MAP7: variants seen among roughly 807,000 people sequenced by gnomAD.
MAP7 encodes ensconsin.
In MAP7, 52 loss-of-function variants were observed where a neutral mutation model predicts 94.8. The ratio of observed to expected loss-of-function variants is 0.55; its 90% confidence interval spans 0.44 to 0.69. The LOEUF (loss-of-function observed/expected upper bound fraction) is 0.69. Among genes scored for constraint, MAP7 ranks in the 30% least tolerant of loss-of-function variants. The pLI is 0.00. For synonymous variants in MAP7, 350 were observed against 357.0 expected (o/e 0.98, Z 0.22); for missense variants, 940 against 964.6 (o/e 0.97, Z 0.34).
intron 1 of MAP7, chr6:136,525,721 A>C: frequency 8.3e-7 from 1 of 1,203,378 alleles, no homozygotes; most frequent in Non-Finnish European, 1.1e-6. Flanking sequence ...AGGAGGTCAC[A>C]AGCACTCCCT....
intron 1 of MAP7, among the ~76,000 whole-genome samples, chr6:136,542,577 C>T (rs939906143): frequency 6.6e-6 from 1 of 152,060 alleles, no homozygotes; most frequent in African/African-American, 2.4e-5. Flanking sequence ...GAACAGAGAC[C>T]ATTAAGGAGG....
chr6:136,473,611 C>T (rs1388906452), intron 1 of MAP7, among the ~76,000 whole-genome samples: 1 of 152,142 alleles, frequency 6.6e-6, no homozygotes, highest in Non-Finnish European at 1.5e-5. Flanking sequence ...TAGGGAAGCA[C>T]TAACTTATGT....
intron 1 of MAP7, among the ~76,000 whole-genome samples, chr6:136,547,645 C>T (rs1040130498): frequency 6.6e-6 from 1 of 152,008 alleles, no homozygotes; most frequent in African/African-American, 2.4e-5. Context: ...ACTTTTCATC[C>T]TCAAGAAAAA....
intron 2 of MAP7, among the ~76,000 whole-genome samples, chr6:136,412,579 T>C (rs1176128574): frequency 6.6e-6 from 1 of 152,158 alleles, no homozygotes; most frequent in Non-Finnish European, 1.5e-5. Flanking sequence ...TGATGTTCCA[T>C]AGAAAGTAAG....
In MAP7 at chr6:136,483,377, G is replaced by A. The variant is rs555296891; in HGVS notation, c.68-61578C>T. Reference sequence around the variant, plus strand: ...CTTCTTGAGGGTGAAGGGCGGGAGGGGGGTGAGGACTAAAATACTACCTAT... The same window carrying A: ...CTTCTTGAGGGTGAAGGGCGGGAGGAGGGTGAGGACTAAAATACTACCTAT... On this transcript the variant is annotated intron_variant, in intron 1 of 17. Transcript: ENST00000354570. 4.0e-5 allele frequency among the ~76,000 whole-genome samples: 6 copies of A among 151,842 alleles called. No homozygotes were observed. The South Asian group carries it at 1.3e-3, about 32-fold the overall frequency.
At chr6:136,450,117 G>C (rs1177452096) in intron 1 of MAP7, among the ~76,000 whole-genome samples, 1 of 152,200 alleles carries the variant, frequency 6.6e-6, no homozygotes, top group Non-Finnish European at 1.5e-5. Flanking sequence ...CCGGGAGGCA[G>C]AGGCTGCAGT....
At chr6:136,522,555 G>T (rs951003556) in intron 1 of MAP7, among the ~76,000 whole-genome samples, 1 of 152,084 alleles carries the variant, frequency 6.6e-6, no homozygotes, top group Non-Finnish European at 1.5e-5. Flanking sequence ...AAATTTAGAT[G>T]GCAAACTTCT....
intron 3 of MAP7, among the ~76,000 whole-genome samples, chr6:136,397,051 T>C (rs907737668): frequency 6.6e-6 from 1 of 152,244 alleles, no homozygotes; most frequent in Non-Finnish European, 1.5e-5. Context: ...CCACTACTAC[T>C]TTCTACCAGG....
chr6:136,413,525 G>GAA lies in MAP7; in HGVS notation c.167-1830_167-1829dup, dbSNP rs61053216. Among the ~76,000 whole-genome samples the GAA allele has an allele frequency of 7.4e-3, 776 of 105,400 alleles. 14 individuals are homozygous for GAA. Among genetic ancestry groups the GAA allele is most frequent in the African/African-American group, 0.024 (710 of 29,374 alleles). 69.1% of individuals were successfully genotyped at this position (105,400 alleles called of 152,430 possible). ...GGAGACAGAGCGAGACACCGTCTCA[G>GAA]AAAAAAAAAAAAAAAGAAAAGAAAA... On this transcript the variant is annotated intron_variant, in intron 2 of 17. Coordinates refer to ENST00000354570, the MANE Select transcript of MAP7 (RefSeq NM_003980.6).
intron 1 of MAP7, among the ~76,000 whole-genome samples, chr6:136,510,503 C>T (rs138696796): frequency 2.2e-4 from 33 of 152,148 alleles, no homozygotes; most frequent in African/African-American, 6.5e-4. Context: ...ACAGGGGGTT[C>T]AGAAGCCTGG....
At chr6:136,387,117 T>A (rs969458791) in intron 5 of MAP7, among the ~76,000 whole-genome samples, 6 of 152,310 alleles carry the variant, frequency 3.9e-5, no homozygotes, top group Admixed American at 2.0e-4. Flanking sequence ...TGATCCTAGA[T>A]TTTTAATTTT....
rs568181088 is a variant in MAP7 at position 136,397,869 on chromosome 6, A to G, written c.245-8352T>C. ...TAATTTCATAAAGAGGCAGCTCCGTAAAAGAACAGTATGTCCAAAAAATGA... is the reference window on the plus strand; with the variant it reads ...TAATTTCATAAAGAGGCAGCTCCGTGAAAGAACAGTATGTCCAAAAAATGA... On this transcript the variant is annotated intron_variant, in intron 3 of 17. Coordinates refer to ENST00000354570, the MANE Select transcript of MAP7 (RefSeq NM_003980.6). Among the ~76,000 whole-genome samples the G allele has an allele frequency of 1.7e-3, 265 of 152,354 alleles. 2 individuals are homozygous for G. The highest frequency in any genetic ancestry group is 6.1e-3 in the African/African-American group (252 of 41,588).
intron 4 of MAP7, 48 bp downstream of exon 4, chr6:136,389,306 T>C (rs1780024489): frequency 6.7e-6 from 10 of 1,502,392 alleles, no homozygotes; most frequent in South Asian, 1.4e-5. Flanking sequence ...GTTTGCTGCA[T>C]GTCTGAACTA....
intron 1 of MAP7, among the ~76,000 whole-genome samples, chr6:136,509,757 A>T (rs1308259464): frequency 6.6e-6 from 1 of 152,132 alleles, no homozygotes; most frequent in Admixed American, 6.5e-5. Context: ...GAGTATCACG[A>T]TGTTGCCCAC....
chr6:136,456,276 C>T (rs1582965479), intron 1 of MAP7, among the ~76,000 whole-genome samples: 1 of 152,208 alleles, frequency 6.6e-6, no homozygotes, highest in Admixed American at 6.5e-5. Flanking sequence ...TATAAAATAT[C>T]TTGAGACATA....
chr6:136,482,927 A>G lies in MAP7; in HGVS notation c.68-61128T>C, dbSNP rs188271441. 1.5e-3 allele frequency among the ~76,000 whole-genome samples: 229 copies of G among 152,276 alleles called. 1 individual carries two copies. Among genetic ancestry groups the G allele is most frequent in the Middle Eastern group, 0.01 (3 of 294 alleles). Reference sequence around the variant, plus strand: ...CATTTTGCTGCTAAAAGGCATATATATTGTGCAGATGTTGTATGCAGTGTC... The same window carrying G: ...CATTTTGCTGCTAAAAGGCATATATGTTGTGCAGATGTTGTATGCAGTGTC... On this transcript the variant is annotated intron_variant, in intron 1 of 17. Coordinates refer to ENST00000354570, the MANE Select transcript of MAP7 (RefSeq NM_003980.6).
intron 8 of MAP7, among the ~76,000 whole-genome samples, chr6:136,369,353 C>T (rs538459349): frequency 4.6e-5 from 7 of 152,262 alleles, no homozygotes; most frequent in Admixed American, 1.3e-4. Context: ...ATGGGTGGAT[C>T]GCTTGAGGTC....
chr6:136,460,445 C>T (rs910692724), intron 1 of MAP7, among the ~76,000 whole-genome samples: 2 of 152,138 alleles, frequency 1.3e-5, no homozygotes, highest in Non-Finnish European at 1.5e-5. Flanking sequence ...TTATTATACA[C>T]ATGAAGCACT....
intron 1 of MAP7, among the ~76,000 whole-genome samples, chr6:136,444,963 T>A (rs1798886671): frequency 6.6e-6 from 1 of 152,084 alleles, no homozygotes; most frequent in African/African-American, 2.4e-5. Context: ...TCTGTAGAGG[T>A]GAGATGTGTC....
Sources: allele counts gnomAD v4.1 joint callset (sites outside exome capture counted in the v4.1 genomes callset), GRCh38; gene constraint gnomAD v4.1.1; transcripts MANE v1.5; gene names NCBI Gene and HGNC (gene_info 2026-07-23, HGNC 2026-07-21).